GATAD2A: variants seen among roughly 807,000 people sequenced by gnomAD.
GATAD2A encodes transcriptional repressor p66-alpha.
Under a neutral mutation model 68.5 loss-of-function variants are expected in GATAD2A, and 12 were observed. The observed-to-expected ratio is 0.18, with a 90% confidence interval of 0.11 to 0.28. The LOEUF (loss-of-function observed/expected upper bound fraction) is 0.28, where lower values mean the gene tolerates loss of function less well. Among genes scored for constraint, GATAD2A ranks in the 10% least tolerant of loss-of-function variants. The probability of loss-of-function intolerance (pLI) is 1.00; values close to 1 mark genes in which losing one functional copy is unlikely to be tolerated. For synonymous variants in GATAD2A, 410 were observed against 375.3 expected (o/e 1.09, Z -1.07); for missense variants, 755 against 868.5 (o/e 0.87, Z 1.64).
intron 2 of GATAD2A, among the ~76,000 whole-genome samples, chr19:19,476,082 C>T (rs748400035): frequency 1.3e-5 from 2 of 152,164 alleles, no homozygotes; most frequent in African/African-American, 2.4e-5. Flanking sequence ...GGAGGGGACT[C>T]GGATCCCTAA....
chr19:19,398,742 A>G (rs1362409699), intron 1 of GATAD2A, among the ~76,000 whole-genome samples: 1 of 150,586 alleles, frequency 6.6e-6, no homozygotes, highest in Middle Eastern at 3.2e-3. Flanking sequence ...GTTCACCAAC[A>G]TGGTGAAACC....
intron 1 of GATAD2A, among the ~76,000 whole-genome samples, chr19:19,433,779 C>A (rs983278102): frequency 6.6e-6 from 1 of 152,182 alleles, no homozygotes; most frequent in Middle Eastern, 3.4e-3. Context: ...CCTCCCCATA[C>A]CCCCCCTTTT....
At chr19:19,386,373 C>T (rs2146761411) in intron 1 of GATAD2A, among the ~76,000 whole-genome samples, 1 of 151,334 alleles carries the variant, frequency 6.6e-6, no homozygotes, top group Middle Eastern at 3.5e-3. Context: ...ACCCGCCTCT[C>T]TAGGGGCCTC....
intron 1 of GATAD2A, among the ~76,000 whole-genome samples, chr19:19,390,123 A>G (rs1209189540): frequency 2.0e-5 from 3 of 152,288 alleles, no homozygotes; most frequent in Middle Eastern, 6.8e-3. Flanking sequence ...GGAATGGACA[A>G]CTTTGAAGTC....
chr19:19,432,697 TAAA>T (rs960455857), intron 1 of GATAD2A, among the ~76,000 whole-genome samples: 1 of 152,086 alleles, frequency 6.6e-6, no homozygotes, highest in Non-Finnish European at 1.5e-5. Flanking sequence ...GTTTAAAACA[TAAA>T]AAGACCTCAA....
Position 19,498,639 on chromosome 19 carries a change from A to G in GATAD2A, c.1121A>G (p.Asn374Ser). 4 of 1,613,840 alleles carry G rather than the reference A, an allele frequency of 2.5e-6. No homozygotes were observed. The highest frequency in any genetic ancestry group is 3.4e-6 in the Non-Finnish European group (4 of 1,179,952). The change falls in exon 8 of 12, where the codon AAC becomes AGC. Residue 374 changes from asparagine to serine, a missense_variant. Transcript: ENST00000683918. ...CCCAAGCCCCCAGCCCCAGAGATGA[A>G]CTTCCTGCCCAGCGCCGCCAACAAC... ...PPPKPPAPEMNFLPSAANNEF... is the reference protein window; with the variant it reads ...PPPKPPAPEMSFLPSAANNEF...
chr19:19,502,107 G>A (rs1049925764), intron 10 of GATAD2A, 64 bp downstream of exon 10: 31 of 1,220,014 alleles, frequency 2.5e-5, no homozygotes, highest in African/African-American at 7.4e-5. Context: ...CACGTCAGTC[G>A]CCGACTGTCA....
chr19:19,450,176 A>C (rs768302790), intron 1 of GATAD2A, among the ~76,000 whole-genome samples: 1 of 152,204 alleles, frequency 6.6e-6, no homozygotes, highest in Non-Finnish European at 1.5e-5. Flanking sequence ...GTCGTTGGTC[A>C]GATTCCGCCC....
chr19:19,473,585 C>G (rs2058464638), intron 2 of GATAD2A, among the ~76,000 whole-genome samples: 1 of 152,100 alleles, frequency 6.6e-6, no homozygotes, highest in Non-Finnish European at 1.5e-5. Flanking sequence ...ACTGGCTGAT[C>G]ATTTGATATT....
At chr19:19,436,298 T>G in intron 1 of GATAD2A, 1 of 729,400 alleles carries the variant, frequency 1.4e-6, no homozygotes, top group Non-Finnish European at 2.3e-6. Flanking sequence ...TTGGACACTT[T>G]AAAGTGAGTG....
At position 19,505,771 on chromosome 19, in the gene GATAD2A, C is replaced by T; in HGVS notation, c.*297C>T. 1 of 464,240 alleles carries T rather than the reference C, an allele frequency of 2.2e-6. No homozygotes were observed. The highest frequency in any genetic ancestry group is 3.8e-6 in the Non-Finnish European group (1 of 266,420). The allele number at this position is 464,240 out of a possible 1,614,324, so 28.8% of individuals were successfully genotyped here. ...TGCCCGACACCAGCAGAAAAGTGGA[C>T]CTTGGGGGCTGGTTCTGCTCCTGGC... On this transcript the variant is annotated 3_prime_UTR_variant, in exon 12 of 12. Coordinates refer to ENST00000683918, the MANE Select transcript of GATAD2A (RefSeq NM_001384528.1).
At chr19:19,419,510 C>CTTTT (rs57019208) in intron 1 of GATAD2A, among the ~76,000 whole-genome samples, 3 of 110,610 alleles carry the variant, frequency 2.7e-5, no homozygotes, top group Non-Finnish European at 3.6e-5. Flanking sequence ...ATCTCTACAT[C>CTTTT]TTTTTTTTTT....
intron 1 of GATAD2A, among the ~76,000 whole-genome samples, chr19:19,423,436 G>A (rs1454791952): frequency 2.6e-5 from 4 of 152,238 alleles, no homozygotes; most frequent in Non-Finnish European, 5.9e-5. Flanking sequence ...GCTGTGGTGC[G>A]TCATCAGTTT....
chr19:19,403,090 GT>G (rs543251785), upstream of GATAD2A, among the ~76,000 whole-genome samples: 370 of 119,798 alleles, frequency 3.1e-3, 2 homozygotes, highest in African/African-American at 0.014. Context: ...AGTATTGACT[GT>G]CTTTGTTTTC....
chr19:19,390,207 G>A (rs148376665), intron 1 of GATAD2A, among the ~76,000 whole-genome samples: 1 of 152,282 alleles, frequency 6.6e-6, no homozygotes, highest in East Asian at 1.9e-4. Context: ...GCACAAAATT[G>A]GCATGTTATT....
chr19:19,456,395 C>T (rs1002993799), intron 1 of GATAD2A, among the ~76,000 whole-genome samples: 8 of 152,106 alleles, frequency 5.3e-5, no homozygotes, highest in African/African-American at 1.7e-4. Flanking sequence ...TCACGGCAAG[C>T]AGTAAGTTTT....
intron 2 of GATAD2A, among the ~76,000 whole-genome samples, chr19:19,490,427 T>A (rs2059712238): frequency 6.6e-6 from 1 of 152,108 alleles, no homozygotes; most frequent in Non-Finnish European, 1.5e-5. Flanking sequence ...GTCAGGTTCT[T>A]CATCCTAGCG....
intron 2 of GATAD2A, among the ~76,000 whole-genome samples, chr19:19,465,975 T>C (rs1294094847): frequency 6.6e-6 from 1 of 152,198 alleles, no homozygotes; most frequent in Non-Finnish European, 1.5e-5. Flanking sequence ...CTTCCCTGCT[T>C]TTCAGATCTA....
At chr19:19,495,465 C>T (rs1256671973) in intron 5 of GATAD2A, among the ~76,000 whole-genome samples, 3 of 151,946 alleles carry the variant, frequency 2.0e-5, no homozygotes, top group East Asian at 1.9e-4. Flanking sequence ...CGTGCCACCA[C>T]GCCTGGCTAA....
Sources: gnomAD v4.1 joint callset for allele counts (sites outside exome capture counted in the v4.1 genomes callset) on GRCh38, gnomAD v4.1.1 for gene constraint, MANE v1.5 for transcripts, NCBI Gene and HGNC (gene_info 2026-07-23, HGNC 2026-07-21) for gene names.